The following SERGEF variants were observed in gnomAD, a reference collection of about 807,000 sequenced individuals.
The protein encoded by SERGEF is secretion regulating guanine nucleotide exchange factor.
In SERGEF, 51 loss-of-function variants were observed where a neutral mutation model predicts 50.0. That is an observed-to-expected ratio of 1.02 (90% CI 0.81 to 1.29). The LOEUF is 1.29. Among genes scored for constraint, SERGEF ranks in the 50% most tolerant of loss-of-function variants. The probability of loss-of-function intolerance (pLI) is 0.00; values close to 1 mark genes in which losing one functional copy is unlikely to be tolerated. For synonymous variants in SERGEF, 205 were observed against 212.4 expected (o/e 0.97, Z 0.30); for missense variants, 521 against 557.0 (o/e 0.94, Z 0.65).
At chr11:17,903,873 A>C (rs2133922850) in intron 9 of SERGEF, among the ~76,000 whole-genome samples, 1 of 152,326 alleles carries the variant, frequency 6.6e-6, no homozygotes, top group African/African-American at 2.4e-5. Context: ...AAAAAGGGAA[A>C]GGGGAGTCTC....
At chr11:17,961,629 T>C (rs916878552) in intron 8 of SERGEF, among the ~76,000 whole-genome samples, 15 of 152,318 alleles carry the variant, frequency 9.8e-5, no homozygotes, top group African/African-American at 3.4e-4. Flanking sequence ...ATATCCCCAA[T>C]AGCAATTCAG....
chr11:17,889,445 G>A (rs1446904696), intron 9 of SERGEF, among the ~76,000 whole-genome samples: 1 of 152,136 alleles, frequency 6.6e-6, no homozygotes, highest in African/African-American at 2.4e-5. Context: ...ATCCAATCAT[G>A]AGGAAAAATC....
chr11:17,965,457 C>T (rs539498219), intron 8 of SERGEF, among the ~76,000 whole-genome samples: 1 of 152,290 alleles, frequency 6.6e-6, no homozygotes, highest in East Asian at 1.9e-4. Context: ...TCTCTACTAC[C>T]CTGACCCCAT....
At chr11:17,954,392 AAT>A (rs1156694674) in intron 9 of SERGEF, among the ~76,000 whole-genome samples, 1 of 152,202 alleles carries the variant, frequency 6.6e-6, no homozygotes, top group Non-Finnish European at 1.5e-5. Flanking sequence ...CAGGTTCATT[AAT>A]GGGTTTTACA....
chr11:17,882,841 A>C (rs1851360156), intron 9 of SERGEF, among the ~76,000 whole-genome samples: 1 of 152,190 alleles, frequency 6.6e-6, no homozygotes, highest in Non-Finnish European at 1.5e-5. Context: ...GGGGCACTGA[A>C]AGCAGAGTAG....
intron 9 of SERGEF, among the ~76,000 whole-genome samples, chr11:17,910,808 A>G (rs1015357466): frequency 1.3e-5 from 2 of 152,188 alleles, no homozygotes; most frequent in African/African-American, 4.8e-5. Flanking sequence ...AAAAAAAGGC[A>G]AAACCAAAAA....
At chr11:17,982,392 A>AT (rs1350765815) in intron 8 of SERGEF, among the ~76,000 whole-genome samples, 1 of 152,214 alleles carries the variant, frequency 6.6e-6, no homozygotes, top group Non-Finnish European at 1.5e-5. Context: ...GGATTCTAGG[A>AT]TAAAAACTCA....
chr11:17,968,080 C>G (rs1181722065), intron 8 of SERGEF, among the ~76,000 whole-genome samples: 1 of 152,180 alleles, frequency 6.6e-6, no homozygotes, highest in African/African-American at 2.4e-5. Context: ...GACTGCATAT[C>G]TTAGTTTGCC....
intron 5 of SERGEF, among the ~76,000 whole-genome samples, chr11:17,999,831 G>A (rs938436139): frequency 3.3e-5 from 5 of 152,300 alleles, no homozygotes; most frequent in Middle Eastern, 3.4e-3. Flanking sequence ...CAAGCTCTAC[G>A]TTACTCCCTG....
intron 9 of SERGEF, among the ~76,000 whole-genome samples, chr11:17,913,145 G>GATGC (rs574739574): frequency 1.9e-4 from 29 of 152,312 alleles, no homozygotes; most frequent in African/African-American, 6.7e-4. Flanking sequence ...TGACCCTGGG[G>GATGC]ATGCACTGGC....
intron 9 of SERGEF, among the ~76,000 whole-genome samples, chr11:17,946,228 T>C (rs1852658047): frequency 6.6e-6 from 1 of 152,172 alleles, no homozygotes; most frequent in Admixed American, 6.5e-5. Context: ...GGTTTTGCAG[T>C]AGGATCAGGG....
rs560481318 is a variant in SERGEF, at chr11:18,013,046, G to T, written c.-36C>A. The T allele has an allele frequency of 8.0e-4, 1,057 of 1,327,112 alleles. 3 individuals carry two copies. The highest frequency in any genetic ancestry group is 2.8e-3 in the Middle Eastern group (10 of 3,558). The allele number at this position is 1,327,112 out of a possible 1,614,324, so 82.2% of individuals were successfully genotyped here. On this transcript the variant is annotated 5_prime_UTR_variant, in exon 1 of 11. Transcript: ENST00000265965. The surrounding 1 kb of genome is among the most constrained non-coding windows in gnomAD (Gnocchi z 4.3). ...TCCGCCGGCGCTTCCGGGAGGGACG[G>T]CACGGGGGCGGCGCCTGCCGGGGGT... is the stretch of plus-strand genomic sequence containing the variant.
At chr11:17,938,830 T>C (rs1852504280) in intron 9 of SERGEF, among the ~76,000 whole-genome samples, 1 of 152,122 alleles carries the variant, frequency 6.6e-6, no homozygotes, top group Admixed American at 6.5e-5. Context: ...CAAGTGAATA[T>C]CCATATTCCT....
chr11:17,943,861 T>C (rs1448540633), intron 9 of SERGEF, among the ~76,000 whole-genome samples: 3 of 152,206 alleles, frequency 2.0e-5, no homozygotes, highest in Non-Finnish European at 2.9e-5. Context: ...AATTAACTCA[T>C]ATTCCCAAAT....
At chr11:17,802,363 A>G (rs747010622) in intron 10 of SERGEF, among the ~76,000 whole-genome samples, 11 of 151,828 alleles carry the variant, frequency 7.2e-5, no homozygotes, top group Non-Finnish European at 1.5e-4. Context: ...ATGACTATAC[A>G]TGTCTCCACC....
At chr11:17,893,342 T>C (rs751058434) in intron 9 of SERGEF, among the ~76,000 whole-genome samples, 2 of 152,210 alleles carry the variant, frequency 1.3e-5, no homozygotes, top group South Asian at 4.1e-4. Flanking sequence ...TGCTTCTTCA[T>C]TGTAAAATGG....
intron 9 of SERGEF, among the ~76,000 whole-genome samples, chr11:17,933,715 C>CAAAA (rs5790009): frequency 7.1e-6 from 1 of 140,172 alleles, no homozygotes; most frequent in African/African-American, 2.6e-5. Flanking sequence ...TTAAATTAGG[C>CAAAA]AAAAAAAAAA....
intron 10 of SERGEF, among the ~76,000 whole-genome samples, chr11:17,872,280 GCTCTGGATGGTGTTTTCTTTTCTA>G (rs1851153981): frequency 2.2e-3 from 2 of 910 alleles, no homozygotes; most frequent in Admixed American, 0.01. Context: ...TCTATATCTT[GCTCTGGATGGTGTTTTCTTTTCTA>G]TATCTTGCTC....
chr11:17,984,367 C>T (rs1853553846), intron 8 of SERGEF, among the ~76,000 whole-genome samples: 1 of 152,120 alleles, frequency 6.6e-6, no homozygotes, highest in South Asian at 2.1e-4. Flanking sequence ...CTGACAAGAG[C>T]AGGCGCAAGG....
Sources: gnomAD v4.1 joint callset for allele counts (sites outside exome capture counted in the v4.1 genomes callset) on GRCh38, gnomAD v4.1.1 for gene constraint, Gnocchi (gnomAD v3.1) non-coding constraint, MANE v1.5 for transcripts, NCBI Gene and HGNC (gene_info 2026-07-23, HGNC 2026-07-21) for gene names.